Variants in GJA3 observed in about 807,000 individuals in gnomAD.
GJA3 encodes gap junction protein alpha 3.
For missense variants in GJA3, 571 were observed against 620.3 expected (o/e 0.92, Z 0.84); for synonymous variants, 297 against 292.6 (o/e 1.02, Z -0.15).
intron 1 of GJA3, among the ~76,000 whole-genome samples, chr13:20,148,800 C>T (rs915310604): frequency 3.3e-5 from 5 of 152,224 alleles, no homozygotes; most frequent in Non-Finnish European, 5.9e-5. Context: ...CCGGTGTGAT[C>T]GCTTAACCTT....
intron 1 of GJA3, among the ~76,000 whole-genome samples, chr13:20,155,739 A>G (rs1958903668): frequency 6.6e-6 from 1 of 151,842 alleles, no homozygotes; most frequent in South Asian, 2.1e-4. Context: ...GAATAAATCT[A>G]TAGGAGTCCT....
rs752865483 is a variant in GJA3, at chr13:20,142,374, C to T, written c.915G>A (p.Ala305=). The T allele has an allele frequency of 5.2e-6, 8 of 1,529,312 alleles. No homozygotes were observed. Among genetic ancestry groups the T allele is most frequent in the South Asian group, 1.2e-5 (1 of 80,384 alleles). 94.7% of individuals were successfully genotyped at this position (1,529,312 alleles called of 1,614,324 possible). A position where few individuals can be genotyped will look rare whatever the true frequency, so the allele number is the denominator to read the frequency against. ...ADFKLLALTE[A]RGKGQSAKLY... The stretch of plus-strand genomic sequence containing the variant: ...GCTTGGCGGACTGGCCCTTTCCGCG[C>T]GCCTCGGTCAGGGCTAGCAGTTTGA... Residue 305 remains alanine, a synonymous_variant, in exon 2 of 2, where the codon GCG becomes GCA. Transcript: ENST00000241125.
chr13:20,149,091 T>C (rs2141141583), intron 1 of GJA3, among the ~76,000 whole-genome samples: 1 of 152,334 alleles, frequency 6.6e-6, no homozygotes, highest in African/African-American at 2.4e-5. Context: ...TGTTTCCCCC[T>C]TGGCCTTCAA....
At chr13:20,159,630 G>C (rs943948347) in intron 1 of GJA3, among the ~76,000 whole-genome samples, 5 of 152,024 alleles carry the variant, frequency 3.3e-5, no homozygotes, top group Admixed American at 6.6e-5. Context: ...AAAAAATTTT[G>C]TTACCCGCCA....
intron 1 of GJA3, among the ~76,000 whole-genome samples, chr13:20,149,106 C>T (rs1958861464): frequency 6.6e-6 from 1 of 152,170 alleles, no homozygotes; most frequent in Admixed American, 6.5e-5. Flanking sequence ...CTTCAAGATC[C>T]ATTGCATTTT....
rs1027325918 is a variant in GJA3, at chr13:20,142,197, G to T, written c.1092C>A (p.His364Gln). 2 of 1,519,924 alleles carry T rather than the reference G, an allele frequency of 1.3e-6. No individual in the cohort carries two copies. The highest frequency in any genetic ancestry group is 2.8e-5 in the African/African-American group (2 of 70,862). 94.2% of individuals were successfully genotyped at this position (1,519,924 alleles called of 1,614,324 possible). ...PVGSSSPPLA[H>Q]EAEAGAAPLL... is the part of the protein sequence containing the mutation. ...GGGGCGCCGCGCCCGCCTCAGCCTCGTGCGCGAGTGGCGGGGAGCTGCTGC... is the reference window on the plus strand; with the variant it reads ...GGGGCGCCGCGCCCGCCTCAGCCTCTTGCGCGAGTGGCGGGGAGCTGCTGC... The change falls in exon 2 of 2, where the codon CAC becomes CAA. Residue 364 changes from histidine (H) to glutamine (Q), a missense_variant. Coordinates refer to ENST00000241125, the MANE Select transcript of GJA3 (RefSeq NM_021954.4).
chr13:20,142,405 G>A lies in GJA3; in HGVS notation c.884C>T (p.Ala295Val), dbSNP rs1191341741. Residue 295 changes from alanine to valine, a missense_variant, in exon 2 of 2, where the codon GCG becomes GTG. Physicochemically the swap from Ala to Val is moderately conservative, Grantham distance 64. Coordinates refer to ENST00000241125, the MANE Select transcript of GJA3 (RefSeq NM_021954.4). Reference protein sequence around the residue: ...VGYPGAPPPAADFKLLALTEA... With the variant: ...VGYPGAPPPAVDFKLLALTEA... ...GGTCAGGGCTAGCAGTTTGAAGTCC[G>A]CGGCTGGTGGCGGGGCCCCGGGGTA... is the stretch of plus-strand genomic sequence containing the variant. The A allele has an allele frequency of 3.3e-6, 5 of 1,500,746 alleles. No homozygotes were observed. In the South Asian group the frequency reaches 4.0e-5, roughly 12 times the overall value. 93.0% of individuals were successfully genotyped at this position (1,500,746 alleles called of 1,614,324 possible). A position where few individuals can be genotyped will look rare whatever the true frequency, so the allele number is the denominator to read the frequency against.
At chr13:20,152,953 T>C (rs893305630) in intron 1 of GJA3, among the ~76,000 whole-genome samples, 2 of 152,190 alleles carry the variant, frequency 1.3e-5, no homozygotes, top group Non-Finnish European at 2.9e-5. Flanking sequence ...TGGTGAGCTG[T>C]CACAAATATT....
chr13:20,148,905 A>G (rs1003817891), intron 1 of GJA3, among the ~76,000 whole-genome samples: 1 of 152,226 alleles, frequency 6.6e-6, no homozygotes, highest in South Asian at 2.1e-4. Flanking sequence ...GTTACACAGC[A>G]CTGTGTGGCA....
In GJA3 at chr13:20,142,109, C is replaced by T. The variant is rs1010364645; in HGVS notation, c.1180G>A (p.Glu394Lys). Residue 394 changes from glutamate (E) to lysine (K), a missense_variant, in exon 2 of 2, where the codon GAG becomes AAG. Transcript: ENST00000241125. ...GSALAGTPEE[E>K]EQAVTTAAQM... ...GCCGCGGTGGTCACGGCCTGCTCCT[C>T]CTCCTCGGGGGTCCCTGCCAGGGCG... 18 of 1,547,030 alleles carry T rather than the reference C, an allele frequency of 1.2e-5. No individual in the cohort carries two copies. The highest frequency in any genetic ancestry group is 1.5e-5 in the Non-Finnish European group (17 of 1,145,924).
chr13:20,155,220 T>C (rs1958900918), intron 1 of GJA3, among the ~76,000 whole-genome samples: 1 of 152,222 alleles, frequency 6.6e-6, no homozygotes, highest in Non-Finnish European at 1.5e-5. Context: ...TCGATTCTTA[T>C]ATGTTCATAT....
intron 1 of GJA3, among the ~76,000 whole-genome samples, chr13:20,150,493 G>A (rs1383613966): frequency 1.3e-5 from 2 of 152,210 alleles, no homozygotes; most frequent in East Asian, 1.9e-4. Context: ...TGTGCCTGAC[G>A]AGCATCCCCA....
intron 1 of GJA3, among the ~76,000 whole-genome samples, chr13:20,157,187 C>T (rs1176652930): frequency 6.6e-6 from 1 of 152,108 alleles, no homozygotes; most frequent in Non-Finnish European, 1.5e-5. Context: ...CTTAGCAGTA[C>T]CCCACTTTCT....
rs1019340240 is a variant in GJA3 at position 20,141,115 on chromosome 13, T to C, written c.*866A>G. 4.6e-5 allele frequency: 7 copies of C among 152,196 alleles called. No individual in the cohort carries two copies. Among genetic ancestry groups the C allele is most frequent in the African/African-American group, 1.7e-4 (7 of 41,452 alleles). 9.4% of individuals were successfully genotyped at this position (152,196 alleles called of 1,614,324 possible). On this transcript the variant is annotated 3_prime_UTR_variant, in exon 2 of 2. Coordinates refer to ENST00000241125, the MANE Select transcript of GJA3 (RefSeq NM_021954.4). ...TCTTGGTCAGCAATCATTCTAACAGTATTTAAAGAAAGAAAAACACTATTT... is the reference window on the plus strand; with the variant it reads ...TCTTGGTCAGCAATCATTCTAACAGCATTTAAAGAAAGAAAAACACTATTT...
chr13:20,151,542 G>A (rs1958877590), intron 1 of GJA3, among the ~76,000 whole-genome samples: 1 of 152,184 alleles, frequency 6.6e-6, no homozygotes, highest in Non-Finnish European at 1.5e-5. Context: ...CGGAGAAGTG[G>A]AAAGCCGCGG....
chr13:20,155,012 G>A (rs1237519450), intron 1 of GJA3, among the ~76,000 whole-genome samples: 1 of 151,846 alleles, frequency 6.6e-6, no homozygotes, highest in Non-Finnish European at 1.5e-5. Context: ...CACCACAGCC[G>A]ATTAATTTTT....
At position 20,139,782 on chromosome 13, in the gene GJA3, C is replaced by CTAGA. The variant is rs1958796778; in HGVS notation, c.*2195_*2198dup. ...TAAATTCAATTTTAAAATGTAAAAA[C>CTAGA]TAGATACAATTTGAGTTCTCATGCT... On this transcript the variant is annotated 3_prime_UTR_variant, in exon 2 of 2. Transcript: ENST00000241125. The CTAGA allele has an allele frequency of 6.6e-6, 1 of 152,166 alleles. No homozygotes were observed. Among genetic ancestry groups the CTAGA allele is most frequent in the South Asian group, 2.1e-4 (1 of 4,830 alleles). The allele number at this position is 152,166 out of a possible 1,614,324, so 9.4% of individuals were successfully genotyped here.
intron 1 of GJA3, among the ~76,000 whole-genome samples, chr13:20,156,208 G>A (rs1958906003): frequency 1.3e-5 from 2 of 152,016 alleles, no homozygotes; most frequent in Admixed American, 1.3e-4. Flanking sequence ...TCTTTATTTG[G>A]CTAAAGTAAA....
chr13:20,141,893 GT>G lies in GJA3; in HGVS notation c.*87del. The stretch of plus-strand genomic sequence containing the variant: ...CGCTCCCACCTCCTGGGACTTTCAG[GT>G]TCTATCTGCTGGTGGGAAGTGCACT... On this transcript the variant is annotated 3_prime_UTR_variant, in exon 2 of 2. Transcript: ENST00000241125. The G allele has an allele frequency of 6.6e-7, 1 of 1,522,094 alleles. No homozygotes were observed. The highest frequency in any genetic ancestry group is 8.9e-7 in the Non-Finnish European group (1 of 1,127,450). 94.3% of individuals were successfully genotyped at this position (1,522,094 alleles called of 1,614,324 possible). A position where few individuals can be genotyped will look rare whatever the true frequency, so the allele number is the denominator to read the frequency against.
Sources: gnomAD v4.1 joint callset for allele counts (sites outside exome capture counted in the v4.1 genomes callset) on GRCh38, gnomAD v4.1.1 for gene constraint, MANE v1.5 for transcripts, NCBI Gene and HGNC (gene_info 2026-07-23, HGNC 2026-07-21) for gene names.